PIGK: variants seen among roughly 807,000 people sequenced by gnomAD.
The protein encoded by PIGK is phosphatidylinositol glycan anchor biosynthesis class K.
Under a neutral mutation model 50.6 loss-of-function variants are expected in PIGK, and 42 were observed. The observed-to-expected ratio is 0.83, with a 90% CI of 0.65 to 1.07. The LOEUF is 1.07. Among genes scored for constraint, PIGK ranks in the 50% least tolerant of loss-of-function variants. PIGK has a pLI of 0.00. For synonymous variants in PIGK, 151 were observed against 156.0 expected, an observed-to-expected ratio of 0.97 and a Z score of 0.24; for missense variants, 448 against 488.7, an observed-to-expected ratio of 0.92 and a Z score of 0.78.
At chr1:77,093,621 T>C (rs1486470466) in intron 10 of PIGK, among the ~76,000 whole-genome samples, 1 of 152,158 alleles carries the variant, frequency 6.6e-6, no homozygotes, top group African/African-American at 2.4e-5. Flanking sequence ...AATCAAATGC[T>C]TAATATAAAC....
rs190850477 is a variant in PIGK, at chr1:77,102,010, A to C, written c.1072-9520T>G. Among the ~76,000 whole-genome samples, 400 of 152,308 alleles carry C rather than the reference A, an allele frequency of 2.6e-3. 8 individuals are homozygous for C. Among genetic ancestry groups the C allele is most frequent in the Admixed American group, 0.018 (277 of 15,304 alleles). ...AGAGTGAGAATCCATCTCACACACA[A>C]AAAAAATTCTTCTAAAATCATGTAA... On this transcript the variant is annotated intron_variant, in intron 10 of 10. Transcript: ENST00000370812.
At chr1:77,146,690 A>T (rs1046541348) in intron 9 of PIGK, among the ~76,000 whole-genome samples, 2 of 151,932 alleles carry the variant, frequency 1.3e-5, no homozygotes, top group Non-Finnish European at 2.9e-5. Context: ...CCAGCTACTC[A>T]GGAGGCTAAG....
rs1178549616 is a variant in PIGK at position 77,189,734 on chromosome 1, TATATATATATATATACACACACACAC to T, written c.239+16880_239+16905del. The stretch of plus-strand genomic sequence containing the variant: ...ATATATATATATATATATATATATA[TATATATATATATATACACACACACAC>T]ACACACACACACACACAGATATACA... On this transcript the variant is annotated intron_variant, in intron 3 of 10. Transcript: ENST00000370812. Among the ~76,000 whole-genome samples, 68 of 32,278 alleles carry T rather than the reference TATATATATATATATACACACACACAC, an allele frequency of 2.1e-3. No homozygotes were observed. The East Asian group carries it at 0.022, about 11-fold the overall frequency. 21.2% of individuals were successfully genotyped at this position (32,278 alleles called of 152,430 possible). A position where few individuals can be genotyped will look rare whatever the true frequency, so the allele number is the denominator to read the frequency against.
intron 3 of PIGK, among the ~76,000 whole-genome samples, chr1:77,184,942 T>G (rs556801575): frequency 1.1e-4 from 17 of 151,916 alleles, no homozygotes; most frequent in Admixed American, 9.2e-4. Flanking sequence ...GGGTGGTGAG[T>G]CCTACCACAT....
intron 3 of PIGK, among the ~76,000 whole-genome samples, chr1:77,189,871 G>C (rs957140222): frequency 6.6e-6 from 1 of 151,142 alleles, no homozygotes; most frequent in Non-Finnish European, 1.5e-5. Flanking sequence ...AAGTATTGCA[G>C]TCATAAAATA....
At chr1:77,215,969 G>A (rs915617190) in intron 1 of PIGK, among the ~76,000 whole-genome samples, 17 of 152,058 alleles carry the variant, frequency 1.1e-4, no homozygotes, top group African/African-American at 3.1e-4. Flanking sequence ...AGAGACATTC[G>A]TTAACAGATA....
intron 3 of PIGK, among the ~76,000 whole-genome samples, chr1:77,176,567 T>C (rs1197372064): frequency 6.6e-6 from 1 of 152,178 alleles, no homozygotes; most frequent in African/African-American, 2.4e-5. Flanking sequence ...GTTAATTGCT[T>C]AATGCTCCTG....
intron 10 of PIGK, among the ~76,000 whole-genome samples, chr1:77,110,271 T>C (rs535750200): frequency 9.9e-5 from 15 of 152,126 alleles, no homozygotes; most frequent in South Asian, 2.1e-4. Flanking sequence ...TTAAAGTTCA[T>C]ATGGAACCAA....
intron 6 of PIGK, 54 bp downstream of exon 6, chr1:77,163,792 A>G (rs1277522038): frequency 1.1e-6 from 1 of 911,104 alleles, no homozygotes. Context: ...TCTACGAACC[A>G]TGTGAAAATT....
intron 1 of PIGK, among the ~76,000 whole-genome samples, chr1:77,216,714 G>A (rs956745704): frequency 1.3e-5 from 2 of 151,992 alleles, no homozygotes; most frequent in Non-Finnish European, 2.9e-5. Flanking sequence ...TGCTACAGTG[G>A]TTAAGCATTG....
intron 10 of PIGK, among the ~76,000 whole-genome samples, chr1:77,098,765 C>A (rs908034968): frequency 6.6e-6 from 1 of 151,902 alleles, no homozygotes; most frequent in African/African-American, 2.4e-5. Context: ...GAGGGTCTCC[C>A]GCAAATCAGT....
At chr1:77,139,448 T>C (rs1181899494) in intron 9 of PIGK, among the ~76,000 whole-genome samples, 5 of 152,124 alleles carry the variant, frequency 3.3e-5, no homozygotes, top group African/African-American at 7.2e-5. Context: ...CTAAATCACA[T>C]GAGAGCCCTA....
At chr1:77,098,554 T>G (rs1653473310) in intron 10 of PIGK, among the ~76,000 whole-genome samples, 2 of 152,218 alleles carry the variant, frequency 1.3e-5, no homozygotes, top group Middle Eastern at 3.4e-3. Context: ...CTGGCTGGTC[T>G]CAAACTCCTG....
At chr1:77,156,103 A>T (rs1419731000) in intron 8 of PIGK, among the ~76,000 whole-genome samples, 3 of 152,174 alleles carry the variant, frequency 2.0e-5, no homozygotes, top group Non-Finnish European at 4.4e-5. Context: ...GTAAAATGCC[A>T]AACAGGAATA....
chr1:77,107,436 G>A (rs535445586), intron 10 of PIGK, among the ~76,000 whole-genome samples: 1 of 152,304 alleles, frequency 6.6e-6, no homozygotes, highest in East Asian at 1.9e-4. Flanking sequence ...TAGTTTGATT[G>A]CACTGTGGTC....
rs1460470040 is a variant in PIGK, at chr1:77,090,579, A to G, written c.*1795T>C. On this transcript the variant is annotated 3_prime_UTR_variant, in exon 11 of 11. Transcript: ENST00000370812. ...TACTTTCTAGCAGTCTTTACAGGGT[A>G]TGTTTCATTATATTCAAACTAAATT... The G allele has an allele frequency of 6.6e-6, 1 of 152,210 alleles. No individual in the cohort carries two copies. Among genetic ancestry groups the G allele is most frequent in the African/African-American group, 2.4e-5 (1 of 41,446 alleles). 9.4% of individuals were successfully genotyped at this position (152,210 alleles called of 1,614,324 possible).
At chr1:77,162,703 A>C (rs1048404431) in intron 6 of PIGK, among the ~76,000 whole-genome samples, 16 of 152,192 alleles carry the variant, frequency 1.1e-4, no homozygotes, top group Admixed American at 9.2e-4. Flanking sequence ...GTAAACAGCT[A>C]ACATGGAACC....
At chr1:77,095,721 T>C (rs1653392141) in intron 10 of PIGK, among the ~76,000 whole-genome samples, 1 of 152,110 alleles carries the variant, frequency 6.6e-6, no homozygotes, top group Non-Finnish European at 1.5e-5. Flanking sequence ...TACTTCACCT[T>C]TTTTTAAGTG....
intron 8 of PIGK, among the ~76,000 whole-genome samples, chr1:77,158,948 C>G (rs1655072391): frequency 6.6e-6 from 1 of 152,126 alleles, no homozygotes; most frequent in African/African-American, 2.4e-5. Flanking sequence ...CAGAAATTTG[C>G]TAAGTAATGA....
Sources: allele counts gnomAD v4.1 joint callset (sites outside exome capture counted in the v4.1 genomes callset), GRCh38; gene constraint gnomAD v4.1.1; transcripts MANE v1.5; gene names NCBI Gene and HGNC (gene_info 2026-07-23, HGNC 2026-07-21).